PDE3A: variants seen among roughly 807,000 people sequenced by gnomAD.
PDE3A encodes cGMP-inhibited 3',5'-cyclic phosphodiesterase 3A.
Under a neutral mutation model 98.3 loss-of-function variants are expected in PDE3A, and 43 were observed. The observed-to-expected ratio is 0.44, with a 90% CI of 0.34 to 0.56. PDE3A has a LOEUF of 0.56. Among genes scored for constraint, PDE3A ranks in the 20% least tolerant of loss-of-function variants. The pLI is 0.01. For synonymous variants in PDE3A, 663 were observed against 567.9 expected (o/e 1.17, Z -2.38); for missense variants, 1,427 against 1,440.7 (o/e 0.99, Z 0.15).
At chr12:20,524,905 C>T (rs183576447) in intron 1 of PDE3A, among the ~76,000 whole-genome samples, 26 of 152,148 alleles carry the variant, frequency 1.7e-4, no homozygotes, top group African/African-American at 6.0e-4. Flanking sequence ...GAGACTGAGG[C>T]GGGTGGATCA....
rs530816924 is a variant in PDE3A, at chr12:20,480,633, A to C, written c.961-76027A>C. Among the ~76,000 whole-genome samples, 4 of 152,336 alleles carry C rather than the reference A, an allele frequency of 2.6e-5. No individual in the cohort carries two copies. In the East Asian group the frequency reaches 7.7e-4, roughly 29 times the overall value. On this transcript the variant is annotated intron_variant, in intron 1 of 15. Transcript: ENST00000359062. ...TTAACTTATTGACTGTTTTCATCTCATGGAAAGAAGTTTCCCTCCTGTCTT... is the reference window on the plus strand; with the variant it reads ...TTAACTTATTGACTGTTTTCATCTCCTGGAAAGAAGTTTCCCTCCTGTCTT...
At chr12:20,495,251 C>G (rs1945900111) in intron 1 of PDE3A, among the ~76,000 whole-genome samples, 1 of 151,892 alleles carries the variant, frequency 6.6e-6, no homozygotes, top group Admixed American at 6.6e-5. Context: ...TTCTGTTCAT[C>G]TAGTTGTCTG....
chr12:20,498,502 T>C (rs989129658), intron 1 of PDE3A, among the ~76,000 whole-genome samples: 1 of 152,172 alleles, frequency 6.6e-6, no homozygotes, highest in African/African-American at 2.4e-5. Flanking sequence ...TTATAAGTTA[T>C]CTAGAGATGA....
At chr12:20,546,290 C>A (rs1442838346) in intron 1 of PDE3A, among the ~76,000 whole-genome samples, 2 of 151,826 alleles carry the variant, frequency 1.3e-5, no homozygotes, top group Non-Finnish European at 2.9e-5. Flanking sequence ...CAAATGCAGA[C>A]TTCCACTCTT....
intron 2 of PDE3A, among the ~76,000 whole-genome samples, chr12:20,597,671 T>A (rs1943498664): frequency 6.6e-6 from 1 of 152,152 alleles, no homozygotes; most frequent in African/African-American, 2.4e-5. Flanking sequence ...CTTTCACTCT[T>A]CTTATAACCA....
chr12:20,625,898 C>T (rs1028602067), intron 5 of PDE3A, among the ~76,000 whole-genome samples: 2 of 151,940 alleles, frequency 1.3e-5, no homozygotes, highest in East Asian at 3.9e-4. Flanking sequence ...TTGAATCATT[C>T]AAAAATTTAT....
At chr12:20,391,451 G>T (rs1387932995) in intron 1 of PDE3A, among the ~76,000 whole-genome samples, 4 of 148,442 alleles carry the variant, frequency 2.7e-5, no homozygotes, top group African/African-American at 9.9e-5. Context: ...GTTGACTCTG[G>T]ATCAAGGGTC....
chr12:20,464,906 C>A (rs901668287), intron 1 of PDE3A, among the ~76,000 whole-genome samples: 7 of 152,086 alleles, frequency 4.6e-5, no homozygotes, highest in African/African-American at 1.7e-4. Flanking sequence ...ACATTCTCAC[C>A]ACATGATGAA....
chr12:20,684,280 A>C lies in PDE3A; in HGVS notation c.*4009A>C, dbSNP rs1482295535. The stretch of plus-strand genomic sequence containing the variant: ...CTAAAATAATAATGGAAACCTCAAT[A>C]AGGGTCTTGTCCTCTTCTGTCATCC... On this transcript the variant is annotated 3_prime_UTR_variant, in exon 16 of 16. Coordinates refer to ENST00000359062, the MANE Select transcript of PDE3A (RefSeq NM_000921.5). 2 of 152,106 alleles carry C rather than the reference A, an allele frequency of 1.3e-5. No homozygotes were observed. Among genetic ancestry groups the C allele is most frequent in the African/African-American group, 4.8e-5 (2 of 41,438 alleles). 9.4% of individuals were successfully genotyped at this position (152,106 alleles called of 1,614,324 possible). A position where few individuals can be genotyped will look rare whatever the true frequency, so the allele number is the denominator to read the frequency against.
At chr12:20,483,786 CTAATA>C (rs1356205901) in intron 1 of PDE3A, among the ~76,000 whole-genome samples, 2 of 152,118 alleles carry the variant, frequency 1.3e-5, no homozygotes, top group Admixed American at 1.3e-4. Context: ...GATGGATTAT[CTAATA>C]TTTGTTCCAA....
chr12:20,634,871 C>T, intron 7 of PDE3A, 31 bp from the exon 8 acceptor site: 1 of 1,565,716 alleles, frequency 6.4e-7, no homozygotes, highest in Non-Finnish European at 8.8e-7. Flanking sequence ...CATTGTAGAT[C>T]TTGTAATAAG....
chr12:20,468,020 T>A (rs1377685793), intron 1 of PDE3A, among the ~76,000 whole-genome samples: 1 of 131,716 alleles, frequency 7.6e-6, no homozygotes, highest in Non-Finnish European at 1.6e-5. Context: ...GAAACACTTA[T>A]AAAATTAATA....
chr12:20,641,193 A>G (rs1198499909), intron 10 of PDE3A, among the ~76,000 whole-genome samples: 1 of 152,162 alleles, frequency 6.6e-6, no homozygotes, highest in Non-Finnish European at 1.5e-5. Context: ...AACTGAATCT[A>G]CAAGTGAGAT....
chr12:20,641,515 C>G (rs1944646646), intron 10 of PDE3A, among the ~76,000 whole-genome samples: 1 of 152,036 alleles, frequency 6.6e-6, no homozygotes, highest in African/African-American at 2.4e-5. Context: ...TAAGGAACAG[C>G]TAATCACTAG....
chr12:20,467,770 A>C (rs1479219815), intron 1 of PDE3A, among the ~76,000 whole-genome samples: 2 of 151,662 alleles, frequency 1.3e-5, no homozygotes, highest in African/African-American at 4.8e-5. Context: ...CCCCATCTCT[A>C]CTAAAAATAC....
At chr12:20,536,224 G>A (rs992367977) in intron 1 of PDE3A, among the ~76,000 whole-genome samples, 1 of 152,018 alleles carries the variant, frequency 6.6e-6, no homozygotes, top group African/African-American at 2.4e-5. Flanking sequence ...ACATAAAGAA[G>A]TTAGTTATAA....
At chr12:20,553,419 C>T (rs1384533374) in intron 1 of PDE3A, among the ~76,000 whole-genome samples, 2 of 119,160 alleles carry the variant, frequency 1.7e-5, no homozygotes, top group Non-Finnish European at 3.5e-5. Context: ...GGTTCTGGCC[C>T]CCAAGGTCAG....
chr12:20,561,083 A>G (rs908069161), intron 2 of PDE3A, among the ~76,000 whole-genome samples: 11 of 129,518 alleles, frequency 8.5e-5, no homozygotes, highest in Non-Finnish European at 4.7e-5. Context: ...CAAGATGGTG[A>G]AACCCCACTT....
chr12:20,617,403 T>C (rs1229019382), intron 4 of PDE3A, among the ~76,000 whole-genome samples: 2 of 152,184 alleles, frequency 1.3e-5, no homozygotes, highest in Non-Finnish European at 2.9e-5. Flanking sequence ...ATATTTTATA[T>C]GTCAGTATAA....
Sources: gnomAD v4.1 joint callset for allele counts (sites outside exome capture counted in the v4.1 genomes callset) on GRCh38, gnomAD v4.1.1 for gene constraint, MANE v1.5 for transcripts, NCBI Gene and HGNC (gene_info 2026-07-23, HGNC 2026-07-21) for gene names.